The following EHBP1 variants were observed in gnomAD, a reference collection of about 807,000 sequenced individuals.
EHBP1 encodes EH domain-binding protein 1.
EHBP1 carries 55 observed loss-of-function variants against 144.0 expected under a neutral mutation model. The observed-to-expected ratio is 0.38, with a 90% confidence interval of 0.31 to 0.48. The LOEUF is 0.48. Ranked by LOEUF, EHBP1 falls within the 20% of genes least tolerant of loss-of-function variation. The pLI is 0.98. For synonymous variants in EHBP1, 469 were observed against 472.7 expected, an observed-to-expected ratio of 0.99 and a Z score of 0.10; for missense variants, 1,200 against 1,364.2, an observed-to-expected ratio of 0.88 and a Z score of 1.90.
At chr2:62,801,521 C>T (rs1284222157) in intron 5 of EHBP1, among the ~76,000 whole-genome samples, 2 of 152,116 alleles carry the variant, frequency 1.3e-5, no homozygotes, top group Non-Finnish European at 2.9e-5. Flanking sequence ...TTTCAAAATG[C>T]ATTTGATCAA....
intron 7 of EHBP1, among the ~76,000 whole-genome samples, chr2:62,846,078 A>G (rs928870586): frequency 4.0e-4 from 61 of 152,226 alleles, no homozygotes; most frequent in African/African-American, 1.4e-3. Context: ...GAGAATAGTA[A>G]CAGTAGCAGA....
intron 10 of EHBP1, among the ~76,000 whole-genome samples, chr2:62,889,729 G>C (rs2052284403): frequency 6.6e-6 from 1 of 151,874 alleles, no homozygotes; most frequent in Non-Finnish European, 1.5e-5. Flanking sequence ...TCATTTCTGG[G>C]TCCTCTATTT....
rs539422397 is a variant in EHBP1, at chr2:62,989,024, C to T, written c.2609-1692C>T. 1.4e-4 allele frequency among the ~76,000 whole-genome samples: 22 copies of T among 152,078 alleles called. No individual in the cohort carries two copies. The South Asian group carries it at 1.9e-3, about 13-fold the overall frequency. On this transcript the variant is annotated intron_variant, in intron 15 of 22. Coordinates refer to ENST00000431489, the MANE Select transcript of EHBP1 (RefSeq NM_001142616.3). ...AACTCATGCCCTTTTGTCAGTAGCT[C>T]CTTCATGGCCGGGTGTTAAATTATA... is the stretch of plus-strand genomic sequence containing the variant.
At chr2:62,741,669 T>TATG (rs2038721816) in intron 2 of EHBP1, among the ~76,000 whole-genome samples, 1 of 152,144 alleles carries the variant, frequency 6.6e-6, no homozygotes, top group African/African-American at 2.4e-5. Context: ...GGTCACTTAG[T>TATG]ATGAGAGCTA....
At chr2:62,848,613 A>G (rs1370951729) in intron 7 of EHBP1, among the ~76,000 whole-genome samples, 1 of 152,252 alleles carries the variant, frequency 6.6e-6, no homozygotes, top group Non-Finnish European at 1.5e-5. Context: ...TGAACTATTG[A>G]TATGCCCTAC....
At chr2:62,918,763 G>A (rs1156769970) in intron 10 of EHBP1, among the ~76,000 whole-genome samples, 1 of 152,184 alleles carries the variant, frequency 6.6e-6, no homozygotes, top group African/African-American at 2.4e-5. Flanking sequence ...GTCTACGATA[G>A]TGGTTCTCAA....
At chr2:62,678,484 G>T (rs1250454507) in intron 1 of EHBP1, among the ~76,000 whole-genome samples, 1 of 151,976 alleles carries the variant, frequency 6.6e-6, no homozygotes, top group Non-Finnish European at 1.5e-5. Flanking sequence ...CTTTTTACAG[G>T]TTGTGTTTTA....
chr2:62,869,419 C>G (rs2050289296), intron 9 of EHBP1, among the ~76,000 whole-genome samples: 1 of 152,022 alleles, frequency 6.6e-6, no homozygotes, highest in Non-Finnish European at 1.5e-5. Context: ...AATGGATAAA[C>G]AAACTGTGGC....
At position 63,038,885 on chromosome 2, in the gene EHBP1, A is replaced by G. The variant is rs528412085; in HGVS notation, c.3277+69A>G. The stretch of plus-strand genomic sequence containing the variant: ...GTCAAAGAGATTTAAAGAATATAAT[A>G]CACTTCTGGTCTTACTAGATCTGGT... On this transcript the variant is annotated intron_variant, in intron 21 of 22. Coordinates refer to ENST00000431489, the MANE Select transcript of EHBP1 (RefSeq NM_001142616.3). The G allele has an allele frequency of 2.6e-4, 376 of 1,437,826 alleles. 2 individuals carry two copies. The South Asian group carries it at 4.1e-3, about 16-fold the overall frequency. The allele number at this position is 1,437,826 out of a possible 1,614,324, so 89.1% of individuals were successfully genotyped here. A position where few individuals can be genotyped will look rare whatever the true frequency, so the allele number is the denominator to read the frequency against.
At chr2:63,044,278 A>C (rs1288406958) in intron 21 of EHBP1, 3 of 148,108 alleles carry the variant, frequency 2.0e-5, no homozygotes, top group South Asian at 2.3e-4. Flanking sequence ...AAAAAAAAAA[A>C]ACGCCCCCCA....
intron 7 of EHBP1, among the ~76,000 whole-genome samples, chr2:62,856,714 T>C (rs1478781911): frequency 1.3e-5 from 2 of 152,180 alleles, no homozygotes; most frequent in African/African-American, 4.8e-5. Context: ...TGTAACAATA[T>C]GAATTACCAA....
At chr2:62,875,694 C>T (rs1044890574) in intron 10 of EHBP1, among the ~76,000 whole-genome samples, 5 of 152,134 alleles carry the variant, frequency 3.3e-5, no homozygotes, top group Non-Finnish European at 7.3e-5. Flanking sequence ...CCATAGAGAT[C>T]ATCAAGATTC....
At chr2:62,993,324 T>A (rs765743439) in intron 16 of EHBP1, among the ~76,000 whole-genome samples, 1 of 152,152 alleles carries the variant, frequency 6.6e-6, no homozygotes, top group Non-Finnish European at 1.5e-5. Context: ...GTATCAAAGT[T>A]ATCAAGAGTT....
chr2:62,953,258 A>T, intron 13 of EHBP1, among the ~76,000 whole-genome samples: 1 of 150,914 alleles, frequency 6.6e-6, no homozygotes, highest in Non-Finnish European at 1.5e-5. Context: ...ATAAAAATTT[A>T]CTTCTAAAGA....
chr2:62,681,338 G>GTATATATATA (rs1376388270), intron 1 of EHBP1, among the ~76,000 whole-genome samples: 4 of 16,912 alleles, frequency 2.4e-4, no homozygotes, highest in Non-Finnish European at 2.9e-4. Context: ...GTATGTGTGT[G>GTATATATATA]TGTATATATA....
At chr2:63,010,800 T>C (rs968101833) in intron 19 of EHBP1, among the ~76,000 whole-genome samples, 10 of 151,760 alleles carry the variant, frequency 6.6e-5, no homozygotes, top group African/African-American at 2.2e-4. Flanking sequence ...TTCATTCCAA[T>C]ATGTCTTAAA....
intron 21 of EHBP1, among the ~76,000 whole-genome samples, chr2:63,040,513 A>C (rs1021351825): frequency 5.9e-5 from 9 of 152,226 alleles, no homozygotes; most frequent in African/African-American, 1.9e-4. Context: ...GCTTGCACAT[A>C]CAGAAAAGCA....
At position 62,747,384 on chromosome 2, in the gene EHBP1, T is replaced by C; in HGVS notation, c.105-11T>C. On this transcript the variant is annotated splice_polypyrimidine_tract_variant and intron_variant, in intron 2 of 22. Coordinates refer to ENST00000431489, the MANE Select transcript of EHBP1 (RefSeq NM_001142616.3). ...AGATAAATTATGTTTAACTTTTTTT[T>C]TGTTTGGCAGGCAACCAGATAAACT... 6.2e-7 allele frequency: 1 copy of C among 1,607,200 alleles called. No individual in the cohort carries two copies. The highest frequency in any genetic ancestry group is 8.5e-7 in the Non-Finnish European group (1 of 1,177,092).
At chr2:62,677,877 C>A (rs2033363803) in intron 1 of EHBP1, among the ~76,000 whole-genome samples, 1 of 152,188 alleles carries the variant, frequency 6.6e-6, no homozygotes, top group South Asian at 2.1e-4. Flanking sequence ...TTTCTTTATT[C>A]ATCTGTTGAT....
Sources: allele counts gnomAD v4.1 joint callset (sites outside exome capture counted in the v4.1 genomes callset), GRCh38; gene constraint gnomAD v4.1.1; transcripts MANE v1.5; gene names NCBI Gene and HGNC (gene_info 2026-07-23, HGNC 2026-07-21).